Variants in PBX1 observed in about 807,000 individuals in gnomAD.
PBX1 encodes the protein pre-B-cell leukemia transcription factor 1.
PBX1 carries 6 observed loss-of-function variants against 53.4 expected under a neutral mutation model. That is an observed-to-expected ratio of 0.11 (90% CI 0.06 to 0.22). The LOEUF is 0.22. Ranked by LOEUF, PBX1 falls within the 10% of genes least tolerant of loss-of-function variation. The pLI is 1.00. For missense variants in PBX1, 251 were observed against 551.4 expected (o/e 0.46, Z 5.46); for synonymous variants, 204 against 212.3 (o/e 0.96, Z 0.34).
intron 2 of PBX1, among the ~76,000 whole-genome samples, chr1:164,729,413 G>T (rs540942640): frequency 6.6e-6 from 1 of 151,858 alleles, no homozygotes; most frequent in Admixed American, 6.6e-5. Context: ...CATTTTGTAA[G>T]AATTTATTTA....
intron 2 of PBX1, among the ~76,000 whole-genome samples, chr1:164,671,766 C>G (rs188862560): frequency 6.6e-6 from 1 of 152,210 alleles, no homozygotes; most frequent in East Asian, 1.9e-4. Flanking sequence ...TAGAAAGCCT[C>G]TGCGCCTTTG....
At chr1:164,671,718 G>A (rs1661124206) in intron 2 of PBX1, among the ~76,000 whole-genome samples, 2 of 152,116 alleles carry the variant, frequency 1.3e-5, no homozygotes, top group Admixed American at 6.5e-5. Context: ...TGGTGGGGGA[G>A]GTTAAGAGTA....
intron 2 of PBX1, chr1:164,576,723 G>A (rs139340211): frequency 0.024 from 3,684 of 152,380 alleles, 57 homozygotes; most frequent in Non-Finnish European, 0.036. Flanking sequence ...AGAGAGGGCC[G>A]CCGCCCCCCA....
chr1:164,744,980 G>A (rs949367949), intron 2 of PBX1, among the ~76,000 whole-genome samples: 3 of 152,200 alleles, frequency 2.0e-5, no homozygotes, highest in Non-Finnish European at 4.4e-5. Context: ...AACTTACAAG[G>A]TAATGTTTTT....
Position 164,567,563 on chromosome 1 carries a change from G to A in PBX1, c.265+4252G>A, listed in dbSNP as rs368715324. Among the ~76,000 whole-genome samples, 10 of 152,202 alleles carry A rather than the reference G, an allele frequency of 6.6e-5. No homozygotes were observed. The East Asian group carries it at 9.7e-4, about 15-fold the overall frequency. On this transcript the variant is annotated intron_variant, in intron 2 of 8. Transcript: ENST00000420696. ...TACAGTGTGTTAAGGCAGAAGTAAT[G>A]TGGTTAGACCCTATATTATTTATTT... is the stretch of plus-strand genomic sequence containing the variant.
rs778853321 is a variant in PBX1 at position 164,792,184 on chromosome 1, G to A, written c.266-310G>A. Among the ~76,000 whole-genome samples the A allele has an allele frequency of 2.3e-3, 351 of 152,098 alleles. 2 individuals carry two copies. Among genetic ancestry groups the A allele is most frequent in the Non-Finnish European group, 1.9e-3 (132 of 68,004 alleles). On this transcript the variant is annotated intron_variant, in intron 2 of 8. Coordinates refer to ENST00000420696, the MANE Select transcript of PBX1 (RefSeq NM_002585.4). ...TCAGCTTCCCAAAGTGAAATTCTGC[G>A]CTCATTAAACAATAGCTCCCCACTC... is the stretch of plus-strand genomic sequence containing the variant.
At chr1:164,749,773 C>A (rs1483024546) in intron 2 of PBX1, among the ~76,000 whole-genome samples, 2 of 152,052 alleles carry the variant, frequency 1.3e-5, no homozygotes, top group Non-Finnish European at 2.9e-5. Flanking sequence ...AACCGTGGAC[C>A]AAGCAGGCCC....
chr1:164,747,552 A>G (rs967574088), intron 2 of PBX1, among the ~76,000 whole-genome samples: 20 of 152,118 alleles, frequency 1.3e-4, no homozygotes, highest in Non-Finnish European at 2.2e-4. Context: ...TTAAGGAAGT[A>G]ACTGTGTCTC....
intron 2 of PBX1, among the ~76,000 whole-genome samples, chr1:164,870,553 A>G (rs1558054026): frequency 6.6e-6 from 1 of 151,896 alleles, no homozygotes; most frequent in Non-Finnish European, 1.5e-5. Context: ...CATGTTGCCC[A>G]GGCTGGTCTT....
intron 8 of PBX1, among the ~76,000 whole-genome samples, chr1:164,842,627 T>C (rs780436722): frequency 2.6e-5 from 4 of 152,278 alleles, no homozygotes; most frequent in Non-Finnish European, 5.9e-5. Context: ...AAAAGTTACA[T>C]TGGGTCACAC....
intron 2 of PBX1, among the ~76,000 whole-genome samples, chr1:164,701,726 G>C (rs1422955829): frequency 6.6e-6 from 1 of 152,110 alleles, no homozygotes; most frequent in Non-Finnish European, 1.5e-5. Flanking sequence ...TCAGCACATG[G>C]GTCCTGCACA....
At chr1:164,816,667 C>T (rs955624734) in intron 6 of PBX1, 1 of 151,942 alleles carries the variant, frequency 6.6e-6, no homozygotes, top group Non-Finnish European at 1.5e-5. Flanking sequence ...AGAGGATAAC[C>T]ATTGTAGGGC....
chr1:164,756,296 G>C (rs964952466), intron 2 of PBX1, among the ~76,000 whole-genome samples: 2 of 152,102 alleles, frequency 1.3e-5, no homozygotes, highest in Non-Finnish European at 2.9e-5. Context: ...AGGGCTGTCT[G>C]ATTTTTTTTC....
intron 2 of PBX1, among the ~76,000 whole-genome samples, chr1:164,700,236 G>A (rs914601259): frequency 6.6e-6 from 1 of 152,166 alleles, no homozygotes; most frequent in Non-Finnish European, 1.5e-5. Flanking sequence ...GAGGAGTGGA[G>A]GCAAACGCAT....
chr1:164,779,456 T>G (rs1667829021), intron 2 of PBX1, among the ~76,000 whole-genome samples: 2 of 152,170 alleles, frequency 1.3e-5, no homozygotes, highest in Admixed American at 1.3e-4. Context: ...TGAGAGATTT[T>G]TATTTTAACT....
chr1:164,767,410 C>T (rs1295132151), intron 2 of PBX1, among the ~76,000 whole-genome samples: 2 of 152,120 alleles, frequency 1.3e-5, no homozygotes, highest in East Asian at 1.9e-4. Context: ...CCTTTTTATC[C>T]TAGAAATTTT....
At position 164,847,921 on chromosome 1, in the gene PBX1, G is replaced by A; in HGVS notation, c.*1245G>A. On this transcript the variant is annotated 3_prime_UTR_variant, in exon 9 of 9. Coordinates refer to ENST00000420696, the MANE Select transcript of PBX1 (RefSeq NM_002585.4). ...TCCCACCACCTCTGGAGCACTCAGG[G>A]AGCCCCATACAGTACTTACAATGTC... The A allele has an allele frequency of 9.5e-7, 1 of 1,054,368 alleles. No homozygotes were observed. Among genetic ancestry groups the A allele is most frequent in the South Asian group, 4.6e-5 (1 of 21,878 alleles). The allele number at this position is 1,054,368 out of a possible 1,614,324, so 65.3% of individuals were successfully genotyped here.
intron 2 of PBX1, among the ~76,000 whole-genome samples, chr1:164,747,104 C>T (rs1212953322): frequency 6.6e-6 from 1 of 152,170 alleles, no homozygotes; most frequent in African/African-American, 2.4e-5. Flanking sequence ...GAGTACCTAA[C>T]TCAAAATTTG....
At chr1:164,573,751 G>T (rs1053826657) in intron 2 of PBX1, among the ~76,000 whole-genome samples, 6 of 152,146 alleles carry the variant, frequency 3.9e-5, no homozygotes, top group Non-Finnish European at 7.3e-5. Flanking sequence ...TTCCCAAAGT[G>T]TTGGGATTAC....
Sources: allele counts gnomAD v4.1 joint callset (sites outside exome capture counted in the v4.1 genomes callset), GRCh38; gene constraint gnomAD v4.1.1; transcripts MANE v1.5; gene names NCBI Gene and HGNC (gene_info 2026-07-23, HGNC 2026-07-21).